The following DYNC2H1 variants were observed in gnomAD, a reference collection of about 807,000 sequenced individuals.
DYNC2H1 encodes dynein cytoplasmic 2 heavy chain 1.
Under a neutral mutation model 570.0 loss-of-function variants are expected in DYNC2H1, and 410 were observed. That is an observed-to-expected ratio of 0.72 (90% confidence interval 0.66 to 0.78). The LOEUF (loss-of-function observed/expected upper bound fraction) is 0.78, where lower values mean the gene tolerates loss of function less well. Ranked by LOEUF, DYNC2H1 falls within the 30% of genes least tolerant of loss-of-function variation. The probability of loss-of-function intolerance (pLI) is 0.00; values close to 1 mark genes in which losing one functional copy is unlikely to be tolerated. For synonymous variants in DYNC2H1, 1,688 were observed against 1,677.6 expected (o/e 1.01, Z -0.15); for missense variants, 4,865 against 5,046.4 (o/e 0.96, Z 1.09).
chr11:103,432,567 A>T (rs1480244065), intron 84 of DYNC2H1, among the ~76,000 whole-genome samples: 1 of 152,126 alleles, frequency 6.6e-6, no homozygotes, highest in Non-Finnish European at 1.5e-5. Flanking sequence ...CCCATTGTGA[A>T]CTCAAATAAG....
intron 66 of DYNC2H1, among the ~76,000 whole-genome samples, chr11:103,253,866 A>G (rs1864937256): frequency 6.6e-6 from 1 of 152,198 alleles, no homozygotes; most frequent in South Asian, 2.1e-4. Flanking sequence ...CCATTAGAAC[A>G]CATGGCATCT....
chr11:103,204,407 G>A lies in DYNC2H1; in HGVS notation c.8312-415G>A, dbSNP rs1862843047. On this transcript the variant is annotated intron_variant, in intron 51 of 88. Coordinates refer to ENST00000375735, the MANE Select transcript of DYNC2H1 (RefSeq NM_001377.3). This position sits in a 1 kb window ranked among gnomAD's most constrained non-coding sequence, Gnocchi z 4.1. ...CCTTGCCTCCTTTGTTTCATGTGGT[G>A]AAATTAGTGCTGCTTTAGTACCTCC... is the stretch of plus-strand genomic sequence containing the variant. Among the ~76,000 whole-genome samples, 1 of 152,136 alleles carries A rather than the reference G, an allele frequency of 6.6e-6. No individual in the cohort carries two copies. The highest frequency in any genetic ancestry group is 2.1e-4 in the South Asian group (1 of 4,818).
chr11:103,312,100 G>T, intron 79 of DYNC2H1, 67 bp downstream of exon 79: 1 of 1,520,912 alleles, frequency 6.6e-7, no homozygotes, highest in Non-Finnish European at 8.8e-7. Flanking sequence ...TATTTTTGTG[G>T]CCAGGCATGG....
At position 103,109,712 on chromosome 11, in the gene DYNC2H1, C is replaced by T. The variant is rs1858017046; in HGVS notation, c.138C>T (p.Gly46=). 2.5e-6 allele frequency: 4 copies of T among 1,613,842 alleles called. No homozygotes were observed. Among genetic ancestry groups the T allele is most frequent in the Non-Finnish European group, 1.7e-6 (2 of 1,179,890 alleles). ...AAATCAACAACTTCTTGGATGACGG[C>T]AACCAGATGCTCCTCAGGGTGCAGC... ...CLEINNFLDD[G]NQMLLRVQRS... is the part of the protein sequence containing the mutation. Residue 46 remains glycine, a synonymous_variant, in exon 1 of 89, where the codon GGC becomes GGT. Coordinates refer to ENST00000375735, the MANE Select transcript of DYNC2H1 (RefSeq NM_001377.3).
At position 103,303,170 on chromosome 11, in the gene DYNC2H1, A is replaced by G. The variant is rs757629842; in HGVS notation, c.11173A>G (p.Ile3725Val). ...GACACTGGAAATTGAACCCATCTTG[A>G]TAATTATTTCTCCGGGTGCTGATCC... ...KETLEIEPIL[I>V]IISPGADPSQ... The change falls in exon 76 of 89, where the codon ATA (isoleucine) becomes GTA (valine). Residue 3725 changes from isoleucine (I) to valine (V), a missense_variant. Around this residue, in one of 5 missense-constraint regions of DYNC2H1, gnomAD observed 2,401 missense variants for 2,454.6 expected, o/e 0.98. Transcript: ENST00000375735. 6.2e-7 allele frequency: 1 copy of G among 1,612,624 alleles called. No individual in the cohort carries two copies. Among genetic ancestry groups the G allele is most frequent in the Non-Finnish European group, 8.5e-7 (1 of 1,179,028 alleles).
At chr11:103,221,208 G>A (rs907516777) in intron 57 of DYNC2H1, among the ~76,000 whole-genome samples, 1 of 152,024 alleles carries the variant, frequency 6.6e-6, no homozygotes, top group African/African-American at 2.4e-5. Flanking sequence ...ATAAAAGGGA[G>A]CTGCAAACTA....
At position 103,197,949 on chromosome 11, in the gene DYNC2H1, A is replaced by G. The variant is rs1202761362; in HGVS notation, c.7725A>G (p.Thr2575=). Residue 2575 remains threonine, a synonymous_variant, in exon 48 of 89, where the codon ACA becomes ACG. Coordinates refer to ENST00000375735, the MANE Select transcript of DYNC2H1 (RefSeq NM_001377.3). The part of the protein sequence containing the change: ...LDNMSDSFYV[T]WGARHNSGAR... ...TTTCCACAGATAGTTTCTACGTTACATGGGGAGCTCGGCATAATTCAGGAG... is the reference window on the plus strand; with the variant it reads ...TTTCCACAGATAGTTTCTACGTTACGTGGGGAGCTCGGCATAATTCAGGAG... 3 of 1,570,538 alleles carry G rather than the reference A, an allele frequency of 1.9e-6. No homozygotes were observed. The highest frequency in any genetic ancestry group is 1.4e-5 in the African/African-American group (1 of 73,946).
At chr11:103,321,367 C>A (rs1348306842) in intron 81 of DYNC2H1, 130 bp downstream of exon 81, 3 of 975,596 alleles carry the variant, frequency 3.1e-6, no homozygotes, top group African/African-American at 1.6e-5. Flanking sequence ...TTTGTTATGA[C>A]AATATATGGC....
At chr11:103,471,949 G>C (rs529540434) in intron 88 of DYNC2H1, among the ~76,000 whole-genome samples, 1 of 152,280 alleles carries the variant, frequency 6.6e-6, no homozygotes, top group Admixed American at 6.5e-5. Context: ...AGCTTCTCTT[G>C]AACTGTTACT....
At chr11:103,356,684 CA>C (rs1940361042) in intron 82 of DYNC2H1, among the ~76,000 whole-genome samples, 1 of 151,930 alleles carries the variant, frequency 6.6e-6, no homozygotes, top group Non-Finnish European at 1.5e-5. Context: ...AATAATTTAT[CA>C]GAAAAACAAA....
Position 103,241,424 on chromosome 11 carries a change from A to T in DYNC2H1, c.9820-2269A>T. ...AATCTGTCTGGAGACGTAAAATAAG[A>T]TGACAACAAACTTTTAAGTACCCTT... On this transcript the variant is annotated intron_variant, in intron 63 of 88. Transcript: ENST00000375735. This position sits in a 1 kb window ranked among gnomAD's most constrained non-coding sequence, Gnocchi z 5.1. The T allele has an allele frequency of 4.1e-6, 4 of 987,568 alleles. No individual in the cohort carries two copies. The highest frequency in any genetic ancestry group is 6.1e-6 in the Non-Finnish European group (4 of 650,518). 61.2% of individuals were successfully genotyped at this position (987,568 alleles called of 1,614,324 possible).
chr11:103,234,680 C>G (rs1333189642), intron 61 of DYNC2H1, among the ~76,000 whole-genome samples: 1 of 151,838 alleles, frequency 6.6e-6, no homozygotes, highest in Non-Finnish European at 1.5e-5. Flanking sequence ...CTGCAACTGC[C>G]TTGGGGGTTA....
intron 63 of DYNC2H1, among the ~76,000 whole-genome samples, chr11:103,240,729 A>G (rs1336143326): frequency 6.6e-6 from 1 of 152,148 alleles, no homozygotes; most frequent in African/African-American, 2.4e-5. Context: ...CCTTGTCTCC[A>G]GTACCACTTC....
At position 103,148,629 on chromosome 11, in the gene DYNC2H1, A is replaced by G; in HGVS notation, c.2946+12A>G. The G allele has an allele frequency of 6.5e-7, 1 of 1,548,958 alleles. No homozygotes were observed. On this transcript the variant is annotated intron_variant, in intron 20 of 88. Transcript: ENST00000375735. ...AACGGAAGCCAGAGGTGAGAATCAC[A>G]AAGTAAAATTATTATTATTACTTTT...
chr11:103,217,011 T>C (rs1863411703), intron 55 of DYNC2H1, among the ~76,000 whole-genome samples: 1 of 152,182 alleles, frequency 6.6e-6, no homozygotes, highest in Non-Finnish European at 1.5e-5. Flanking sequence ...AATGAGTCAT[T>C]AAATTCTGTC....
chr11:103,214,756 T>C (rs976131709), intron 54 of DYNC2H1, among the ~76,000 whole-genome samples: 5 of 151,622 alleles, frequency 3.3e-5, no homozygotes, highest in Admixed American at 3.3e-4. Context: ...ACAATGCTAA[T>C]ACTTTTGATC....
chr11:103,152,274 A>T lies in DYNC2H1; in HGVS notation c.3085A>T (p.Ile1029Phe). 6.2e-7 allele frequency: 1 copy of T among 1,600,252 alleles called. No individual in the cohort carries two copies. Among genetic ancestry groups the T allele is most frequent in the East Asian group, 2.3e-5 (1 of 44,416 alleles). ...AATGATGGAAAGTCACCAACTTATG[A>T]TTAAAGACCAGGTTAGAATCTTTTA... ...ELMMESHQLM[I>F]KDQIEVMKGN... Residue 1029 changes from isoleucine to phenylalanine, a missense_variant, in exon 21 of 89, where the codon ATT (isoleucine) becomes TTT (phenylalanine). Around this residue, in one of 5 missense-constraint regions of DYNC2H1, gnomAD observed 1,936 missense variants for 1,962.1 expected, o/e 0.99. Transcript: ENST00000375735.
At chr11:103,409,315 G>T (rs796265934) in intron 84 of DYNC2H1, among the ~76,000 whole-genome samples, 4 of 151,906 alleles carry the variant, frequency 2.6e-5, no homozygotes, top group African/African-American at 9.7e-5. Context: ...TGTGATGGAG[G>T]ATATCTTCAT....
chr11:103,282,873 A>G (rs1050766782), intron 72 of DYNC2H1, 135 bp from the exon 73 acceptor site: 5 of 643,052 alleles, frequency 7.8e-6, no homozygotes, highest in Non-Finnish European at 1.3e-5. Flanking sequence ...GGTGACTTGT[A>G]AAATACATAA....
Sources: allele counts gnomAD v4.1 joint callset (sites outside exome capture counted in the v4.1 genomes callset), GRCh38; gene constraint gnomAD v4.1.1; regional missense constraint gnomAD v4.1.1; non-coding constraint Gnocchi (gnomAD v3.1); transcripts MANE v1.5; gene names NCBI Gene and HGNC (gene_info 2026-07-23, HGNC 2026-07-21).